AOPEP: variants seen among roughly 807,000 people sequenced by gnomAD.
AOPEP encodes the protein aminopeptidase O.
In AOPEP, 77 loss-of-function variants were observed where a neutral mutation model predicts 98.1. The ratio of observed to expected loss-of-function variants is 0.78; its 90% CI spans 0.65 to 0.95. The LOEUF (loss-of-function observed/expected upper bound fraction) is 0.95. AOPEP is among the 40% of genes least tolerant of loss of function. The pLI is 0.00. For synonymous variants in AOPEP, 346 were observed against 365.3 expected (o/e 0.95, Z 0.60); for missense variants, 1,024 against 1,024.7 (o/e 1.00, Z 0.01).
chr9:94,789,818 AT>A (rs1845250277), intron 3 of AOPEP, among the ~76,000 whole-genome samples: 1 of 151,476 alleles, frequency 6.6e-6, no homozygotes, highest in Non-Finnish European at 1.5e-5. Flanking sequence ...CTGTCACTGG[AT>A]TGGCTTCAGT....
chr9:94,787,477 C>T (rs758622731), intron 3 of AOPEP, among the ~76,000 whole-genome samples: 2 of 152,146 alleles, frequency 1.3e-5, no homozygotes, highest in African/African-American at 2.4e-5. Flanking sequence ...CCATGGACTA[C>T]GTGGATGGTA....
At chr9:94,794,143 G>T (rs1846387909) in intron 4 of AOPEP, among the ~76,000 whole-genome samples, 1 of 152,174 alleles carries the variant, frequency 6.6e-6, no homozygotes, top group Non-Finnish European at 1.5e-5. Flanking sequence ...AAATCATTTT[G>T]AGGCTTTAAA....
intron 5 of AOPEP, among the ~76,000 whole-genome samples, chr9:94,849,013 A>G (rs2043200518): frequency 6.6e-6 from 1 of 152,312 alleles, no homozygotes; most frequent in East Asian, 1.9e-4. Flanking sequence ...TCCTGACCTC[A>G]GGCGATCCAC....
At chr9:94,842,249 C>T (rs1288220469) in intron 5 of AOPEP, among the ~76,000 whole-genome samples, 1 of 152,068 alleles carries the variant, frequency 6.6e-6, no homozygotes, top group Non-Finnish European at 1.5e-5. Flanking sequence ...GTAGTCCCAG[C>T]TACTCGGGAG....
At chr9:94,986,543 CT>C (rs1322251680) in intron 11 of AOPEP, among the ~76,000 whole-genome samples, 17 of 152,152 alleles carry the variant, frequency 1.1e-4, no homozygotes, top group African/African-American at 4.1e-4. Context: ...GATGAATATG[CT>C]TTGGGTACAT....
intron 9 of AOPEP, among the ~76,000 whole-genome samples, chr9:94,956,890 A>G (rs897053667): frequency 2.0e-5 from 3 of 152,208 alleles, no homozygotes; most frequent in African/African-American, 7.2e-5. Flanking sequence ...ACACAGATGG[A>G]AGAATCACAT....
Position 94,747,041 on chromosome 9 carries a change from GTT to G in AOPEP, c.-135-12593_-135-12592del, listed in dbSNP as rs59283562. Among the ~76,000 whole-genome samples the G allele has an allele frequency of 4.3e-3, 617 of 143,538 alleles. 6 individuals carry two copies. The highest frequency in any genetic ancestry group is 0.034 in the East Asian group (167 of 4,942). The allele number at this position is 143,538 out of a possible 152,430, so 94.2% of individuals were successfully genotyped here. On this transcript the variant is annotated intron_variant, in intron 1 of 16. Coordinates refer to ENST00000375315, the MANE Select transcript of AOPEP (RefSeq NM_001193329.3). ...CCCACAACAGCATTAACTCCAGTGG[GTT>G]TTTTTTTTTTTTTTGAATATACATA...
At chr9:94,938,074 T>A (rs144902124) in intron 7 of AOPEP, among the ~76,000 whole-genome samples, 1 of 152,168 alleles carries the variant, frequency 6.6e-6, no homozygotes, top group Non-Finnish European at 1.5e-5. Flanking sequence ...AGGATTTCAC[T>A]GTGTTAGCCA....
intron 5 of AOPEP, among the ~76,000 whole-genome samples, chr9:94,867,144 C>G (rs2045797053): frequency 1.3e-5 from 2 of 152,204 alleles, no homozygotes; most frequent in South Asian, 4.1e-4. Flanking sequence ...AGATTTGAAA[C>G]AGCAAAGCCT....
At chr9:94,751,483 G>T (rs1447609544) in intron 1 of AOPEP, among the ~76,000 whole-genome samples, 1 of 152,196 alleles carries the variant, frequency 6.6e-6, no homozygotes, top group Non-Finnish European at 1.5e-5. Flanking sequence ...GACTTAATTG[G>T]TGAGGTCAGG....
At chr9:94,812,215 G>A (rs929541881) in intron 5 of AOPEP, among the ~76,000 whole-genome samples, 1 of 152,166 alleles carries the variant, frequency 6.6e-6, no homozygotes, top group Non-Finnish European at 1.5e-5. Context: ...AGTAGGCCCA[G>A]AGCTAGATAT....
chr9:95,128,930 G>A, the AOPEP span, among the ~76,000 whole-genome samples: 1 of 150,898 alleles, frequency 6.6e-6, no homozygotes, highest in East Asian at 1.9e-4. Flanking sequence ...TTTTGAGACA[G>A]GGTCTCATTC....
chr9:94,835,173 C>G (rs1401121004), intron 5 of AOPEP, among the ~76,000 whole-genome samples: 1 of 152,146 alleles, frequency 6.6e-6, no homozygotes, highest in Non-Finnish European at 1.5e-5. Flanking sequence ...TCCCTTCCCC[C>G]CATTAGTGCA....
chr9:94,821,848 G>C (rs1028946259), intron 5 of AOPEP, among the ~76,000 whole-genome samples: 5 of 152,136 alleles, frequency 3.3e-5, no homozygotes, highest in African/African-American at 9.7e-5. Context: ...ATGACAATAA[G>C]AACAAATTCA....
At chr9:94,887,576 C>T (rs1025294069) in intron 5 of AOPEP, among the ~76,000 whole-genome samples, 5 of 152,062 alleles carry the variant, frequency 3.3e-5, no homozygotes, top group Admixed American at 2.6e-4. Flanking sequence ...ATGACATAAA[C>T]TCTAAAGTGC....
the AOPEP span, among the ~76,000 whole-genome samples, chr9:95,102,393 T>C: frequency 6.6e-6 from 1 of 152,330 alleles, no homozygotes; most frequent in Admixed American, 6.5e-5. Flanking sequence ...AGACACAGCC[T>C]CAAGGCATTC....
At chr9:94,885,521 C>CCTGGT (rs1163391693) in intron 5 of AOPEP, among the ~76,000 whole-genome samples, 47 of 151,986 alleles carry the variant, frequency 3.1e-4, no homozygotes, top group Non-Finnish European at 1.2e-4. Context: ...ATCAGCCAGG[C>CCTGGT]CTGGTGCTGG....
At chr9:94,893,488 G>A (rs1474159998) in intron 5 of AOPEP, among the ~76,000 whole-genome samples, 1 of 152,122 alleles carries the variant, frequency 6.6e-6, no homozygotes, top group Admixed American at 6.5e-5. Flanking sequence ...AGACATTTGA[G>A]AAAAAGAGGT....
chr9:94,827,904 A>G (rs1363204489), intron 5 of AOPEP, among the ~76,000 whole-genome samples: 1 of 152,202 alleles, frequency 6.6e-6, no homozygotes, highest in Non-Finnish European at 1.5e-5. Flanking sequence ...CTCTAGTGAT[A>G]TTATTTAAAA....
Sources: allele counts gnomAD v4.1 joint callset (sites outside exome capture counted in the v4.1 genomes callset), GRCh38; gene constraint gnomAD v4.1.1; transcripts MANE v1.5; gene names NCBI Gene and HGNC (gene_info 2026-07-23, HGNC 2026-07-21).